The following MLLT10 variants were observed in gnomAD, a reference collection of about 807,000 sequenced individuals.
MLLT10 encodes MLLT10 histone lysine methyltransferase DOT1L cofactor, also known as protein AF-10.
In MLLT10, 30 loss-of-function variants were observed where a neutral mutation model predicts 129.1. The observed-to-expected ratio is 0.23, with a 90% CI of 0.17 to 0.32. The LOEUF is 0.32. Among genes scored for constraint, MLLT10 ranks in the 10% least tolerant of loss-of-function variants. MLLT10 has a pLI of 1.00. For synonymous variants in MLLT10, 490 were observed against 446.4 expected, an observed-to-expected ratio of 1.10 and a Z score of -1.23; for missense variants, 1,119 against 1,268.3, an observed-to-expected ratio of 0.88 and a Z score of 1.79.
rs770095076 is a variant in MLLT10, at chr10:21,735,180, T to C, written c.2900T>C (p.Ile967Thr). ...TTACTTTCTGACCAGCAACGACAAA[T>C]ACTTATTCATCAACAGCAGTTTCAG... is the stretch of plus-strand genomic sequence containing the variant. Reference protein sequence around the residue: ...LGLLSDQQRQILIHQQQFQQL... With the variant: ...LGLLSDQQRQTLIHQQQFQQL... Residue 967 changes from isoleucine to threonine, a missense_variant, in exon 21 of 23, where the codon ATA becomes ACA. Transcript: ENST00000307729. 1.2e-6 allele frequency: 2 copies of C among 1,614,032 alleles called. No homozygotes were observed. The highest frequency in any genetic ancestry group is 1.7e-6 in the Non-Finnish European group (2 of 1,179,994).
At chr10:21,631,743 C>T (rs1282871927) in intron 8 of MLLT10, among the ~76,000 whole-genome samples, 1 of 152,110 alleles carries the variant, frequency 6.6e-6, no homozygotes, top group East Asian at 1.9e-4. Flanking sequence ...ATCAGGAGAA[C>T]AGCAAGGGGG....
In MLLT10 at chr10:21,742,671, A is replaced by AGTT; in HGVS notation, c.*689_*691dup. On this transcript the variant is annotated 3_prime_UTR_variant, in exon 23 of 23. Coordinates refer to ENST00000307729, the MANE Select transcript of MLLT10 (RefSeq NM_001195626.3). ...CTACTCATATTTTGAAGAAATCTTG[A>AGTT]GTTAAGTGAGTTCTGAGGCTGCTGG... 8.9e-6 allele frequency: 2 copies of AGTT among 223,786 alleles called. No individual in the cohort carries two copies. The highest frequency in any genetic ancestry group is 1.8e-5 in the Non-Finnish European group (2 of 112,274). The allele number at this position is 223,786 out of a possible 1,614,324, so 13.9% of individuals were successfully genotyped here.
intron 8 of MLLT10, among the ~76,000 whole-genome samples, chr10:21,651,107 T>C (rs958088882): frequency 6.6e-6 from 1 of 151,892 alleles, no homozygotes; most frequent in Non-Finnish European, 1.5e-5. Flanking sequence ...AGTCTCACAC[T>C]GTTGCCCAGG....
chr10:21,688,475 T>C (rs762080816), intron 13 of MLLT10: 1 of 1,605,560 alleles, frequency 6.2e-7, no homozygotes, highest in Non-Finnish European at 8.5e-7. Flanking sequence ...GAAATTAAAG[T>C]GTGTCTTTTC....
At chr10:21,570,507 GT>G (rs1397461006) in intron 3 of MLLT10, among the ~76,000 whole-genome samples, 1 of 151,074 alleles carries the variant, frequency 6.6e-6, no homozygotes, top group Non-Finnish European at 1.5e-5. Context: ...ATTATCTCCT[GT>G]TTTGTGGCTC....
At chr10:21,651,870 C>A in intron 9 of MLLT10, 102 bp downstream of exon 9, 36 of 381,676 alleles carry the variant, frequency 9.4e-5, no homozygotes, top group East Asian at 2.4e-4. Context: ...CCCAGCTTTT[C>A]AACCACATAT....
intron 13 of MLLT10, among the ~76,000 whole-genome samples, chr10:21,689,659 ATATT>A (rs1204512486): frequency 7.0e-6 from 1 of 141,848 alleles, no homozygotes; most frequent in Admixed American, 7.1e-5. Context: ...ATATATATAT[ATATT>A]TTTTTTTTCT....
chr10:21,580,344 A>T (rs1377327094), intron 3 of MLLT10, among the ~76,000 whole-genome samples: 1 of 151,386 alleles, frequency 6.6e-6, no homozygotes, highest in Admixed American at 6.6e-5. Context: ...GAAATCACTC[A>T]TAATCTTACC....
At chr10:21,690,956 A>G (rs1227770348) in intron 13 of MLLT10, among the ~76,000 whole-genome samples, 1 of 152,182 alleles carries the variant, frequency 6.6e-6, no homozygotes, top group Non-Finnish European at 1.5e-5. Flanking sequence ...AATCTCAGAA[A>G]TGAAGGTAGG....
At position 21,619,762 on chromosome 10, in the gene MLLT10, A is replaced by G. The variant is rs113435633; in HGVS notation, c.699+2555A>G. On this transcript the variant is annotated intron_variant, in intron 8 of 22. Coordinates refer to ENST00000307729, the MANE Select transcript of MLLT10 (RefSeq NM_001195626.3). ...AGTAAGCACACTAAATGAAGGAAAC[A>G]TACTGTAAGTTTATTATTAGACATG... Among the ~76,000 whole-genome samples the G allele has an allele frequency of 5.9e-5, 9 of 152,344 alleles. 1 individual carries two copies. The highest frequency in any genetic ancestry group is 2.2e-4 in the African/African-American group (9 of 41,594).
chr10:21,580,896 T>C (rs898371173), intron 3 of MLLT10, among the ~76,000 whole-genome samples: 13 of 113,520 alleles, frequency 1.1e-4, no homozygotes, highest in Non-Finnish European at 1.7e-4. Context: ...TTTTTTTTAG[T>C]AGAGACGGAG....
chr10:21,630,016 A>G (rs987166394), intron 8 of MLLT10, among the ~76,000 whole-genome samples: 2 of 152,234 alleles, frequency 1.3e-5, no homozygotes, highest in Admixed American at 1.3e-4. Context: ...GGGAGGAGGC[A>G]GGAAAAATGA....
chr10:21,736,929 A>G (rs1400127582), intron 21 of MLLT10, among the ~76,000 whole-genome samples: 1 of 152,186 alleles, frequency 6.6e-6, no homozygotes, highest in Non-Finnish European at 1.5e-5. Context: ...AAGGAGAATA[A>G]GCCAGTAAAG....
intron 3 of MLLT10, among the ~76,000 whole-genome samples, chr10:21,569,845 G>A (rs2040010002): frequency 6.6e-6 from 1 of 152,044 alleles, no homozygotes; most frequent in African/African-American, 2.4e-5. Context: ...TCCTGCCTTA[G>A]CCTTCCCGAG....
chr10:21,603,992 A>G (rs535270140), intron 5 of MLLT10, among the ~76,000 whole-genome samples: 1 of 152,098 alleles, frequency 6.6e-6, no homozygotes, highest in African/African-American at 2.4e-5. Context: ...ATTTGCAATG[A>G]TCCTTTTTCC....
rs144826431 is a variant in MLLT10 at position 21,613,466 on chromosome 10, G to A, written c.509+1015G>A. On this transcript the variant is annotated intron_variant, in intron 6 of 22. Coordinates refer to ENST00000307729, the MANE Select transcript of MLLT10 (RefSeq NM_001195626.3). Reference sequence around the variant, plus strand: ...CGGTTTTTGACTTTTATAAATTCTCGTAATGACTGTACCAAATTTCTCAAA... The same window carrying A: ...CGGTTTTTGACTTTTATAAATTCTCATAATGACTGTACCAAATTTCTCAAA... 1.8e-4 allele frequency among the ~76,000 whole-genome samples: 28 copies of A among 152,120 alleles called. 1 individual carries two copies. In the East Asian group the frequency reaches 5.2e-3, roughly 28 times the overall value.
At chr10:21,543,151 G>A (rs549218413) in intron 3 of MLLT10, among the ~76,000 whole-genome samples, 64 of 151,518 alleles carry the variant, frequency 4.2e-4, no homozygotes, top group African/African-American at 1.4e-3. Flanking sequence ...ATGGAGTTTC[G>A]TTCTTGTTGC....
chr10:21,704,572 C>T (rs561579892), intron 13 of MLLT10, among the ~76,000 whole-genome samples: 13 of 147,392 alleles, frequency 8.8e-5, no homozygotes, highest in African/African-American at 2.5e-4. Context: ...TGTGTTCCTA[C>T]GGAATTATTG....
intron 3 of MLLT10, among the ~76,000 whole-genome samples, chr10:21,539,623 T>C (rs1315929002): frequency 6.6e-6 from 1 of 151,806 alleles, no homozygotes; most frequent in Non-Finnish European, 1.5e-5. Context: ...AATACAAAAA[T>C]TAGCTGGGTG....
Sources: allele counts gnomAD v4.1 joint callset (sites outside exome capture counted in the v4.1 genomes callset), GRCh38; gene constraint gnomAD v4.1.1; transcripts MANE v1.5; gene names NCBI Gene and HGNC (gene_info 2026-07-23, HGNC 2026-07-21).